Variants in PREX2 observed in about 807,000 individuals in gnomAD.
PREX2 encodes the protein phosphatidylinositol 3,4,5-trisphosphate-dependent Rac exchanger 2 protein.
In PREX2, 107 loss-of-function variants were observed where a neutral mutation model predicts 203.2. The ratio of observed to expected loss-of-function variants is 0.53; its 90% CI spans 0.45 to 0.62. The LOEUF (loss-of-function observed/expected upper bound fraction) is 0.62. Ranked by LOEUF, PREX2 falls within the 20% of genes least tolerant of loss-of-function variation. The pLI is 0.00. For missense variants in PREX2, 1,777 were observed against 1,955.9 expected (o/e 0.91, Z 1.72); for synonymous variants, 672 against 663.6 (o/e 1.01, Z -0.19).
At chr8:68,105,494 C>T in intron 23 of PREX2, 5 of 1,160,422 alleles carry the variant, frequency 4.3e-6, no homozygotes, top group Non-Finnish European at 5.4e-6. Flanking sequence ...GTCCCCCTAG[C>T]AAGAGAATCT....
intron 26 of PREX2, among the ~76,000 whole-genome samples, chr8:68,116,584 G>A (rs927673812): frequency 6.6e-6 from 1 of 152,166 alleles, no homozygotes; most frequent in Admixed American, 6.5e-5. Flanking sequence ...CGTGCCAGGC[G>A]TGGCTCCTTG....
intron 10 of PREX2, among the ~76,000 whole-genome samples, chr8:68,058,141 C>G (rs1808734408): frequency 6.6e-6 from 1 of 152,200 alleles, no homozygotes. Flanking sequence ...TCCTCATTCC[C>G]TGAGTAGGCC....
chr8:68,081,660 A>AT (rs1296300134), intron 17 of PREX2, among the ~76,000 whole-genome samples: 1 of 151,974 alleles, frequency 6.6e-6, no homozygotes, highest in Non-Finnish European at 1.5e-5. Context: ...TGCTTTAACT[A>AT]TTTTCTCATT....
intron 37 of PREX2, among the ~76,000 whole-genome samples, chr8:68,206,094 C>G (rs552313743): frequency 8.5e-5 from 13 of 152,166 alleles, no homozygotes; most frequent in Non-Finnish European, 1.6e-4. Flanking sequence ...CTACGTGATT[C>G]GAATTTGGTA....
intron 31 of PREX2, among the ~76,000 whole-genome samples, chr8:68,132,665 C>T (rs1039391972): frequency 5.3e-5 from 8 of 152,026 alleles, no homozygotes; most frequent in African/African-American, 1.7e-4. Context: ...AACAGGAGCT[C>T]ACCACTGAAT....
chr8:68,034,684 C>T (rs1265723581), intron 6 of PREX2, among the ~76,000 whole-genome samples: 1 of 152,070 alleles, frequency 6.6e-6, no homozygotes, highest in Non-Finnish European at 1.5e-5. Context: ...TACAGTGCTA[C>T]GGGACCATTT....
chr8:67,984,001 T>A (rs1309218728), intron 1 of PREX2, among the ~76,000 whole-genome samples: 1 of 151,870 alleles, frequency 6.6e-6, no homozygotes, highest in Non-Finnish European at 1.5e-5. Context: ...GGTACTGCTC[T>A]GGGAATTTGT....
intron 23 of PREX2, chr8:68,102,921 G>A (rs370637111): frequency 1.9e-6 from 1 of 517,736 alleles, no homozygotes; most frequent in African/African-American, 1.9e-5. Context: ...GCAGGATTTG[G>A]GGACAATTCG....
At chr8:68,138,825 T>A (rs1460513106) in intron 33 of PREX2, among the ~76,000 whole-genome samples, 1 of 152,156 alleles carries the variant, frequency 6.6e-6, no homozygotes, top group African/African-American at 2.4e-5. Flanking sequence ...TCTTCAGTAG[T>A]TTGTTATTAT....
chr8:68,095,565 G>A (rs201919630), intron 21 of PREX2, among the ~76,000 whole-genome samples: 1 of 44,564 alleles, frequency 2.2e-5, no homozygotes, highest in Non-Finnish European at 4.1e-5. Context: ...GTGTATCTAT[G>A]TGTGTGTGTG....
chr8:68,118,497 G>A lies in PREX2; in HGVS notation c.3327-53G>A, dbSNP rs772741109. 15 of 1,147,812 alleles carry A rather than the reference G, an allele frequency of 1.3e-5. No homozygotes were observed. In the South Asian group the frequency reaches 1.9e-4, roughly 15 times the overall value. The allele number at this position is 1,147,812 out of a possible 1,614,324, so 71.1% of individuals were successfully genotyped here. Reference sequence around the variant, plus strand: ...TAAGTTTATGTCATAAGAAATTGCAGGGACACCTGGGCAGATGCACTCTTA... The same window carrying A: ...TAAGTTTATGTCATAAGAAATTGCAAGGACACCTGGGCAGATGCACTCTTA... On this transcript the variant is annotated intron_variant, in intron 26 of 39. Coordinates refer to ENST00000288368, the MANE Select transcript of PREX2 (RefSeq NM_024870.4).
intron 8 of PREX2, 128 bp from the exon 9 acceptor site, chr8:68,052,969 C>T (rs1808565045): frequency 1.3e-6 from 1 of 740,758 alleles, no homozygotes; most frequent in Non-Finnish European, 2.2e-6. Flanking sequence ...TTTCAATATA[C>T]ATATGTAAAG....
chr8:68,184,291 G>A (rs1812146017), intron 35 of PREX2, among the ~76,000 whole-genome samples: 1 of 152,070 alleles, frequency 6.6e-6, no homozygotes. Flanking sequence ...TCCTAATTTA[G>A]GTGCTGTAGT....
intron 19 of PREX2, among the ~76,000 whole-genome samples, chr8:68,088,527 A>G (rs1024655307): frequency 6.6e-6 from 1 of 152,164 alleles, no homozygotes; most frequent in African/African-American, 2.4e-5. Flanking sequence ...AAGTATCTTG[A>G]TGTGATCACC....
chr8:67,970,481 T>C (rs1805896788), intron 1 of PREX2, among the ~76,000 whole-genome samples: 1 of 152,188 alleles, frequency 6.6e-6, no homozygotes, highest in South Asian at 2.1e-4. Flanking sequence ...ATGTCTCTGA[T>C]GGAACTAATT....
chr8:67,952,825 A>G (rs1308207043), intron 1 of PREX2: 4 of 506,268 alleles, frequency 7.9e-6, no homozygotes, highest in Admixed American at 3.4e-5. Flanking sequence ...CGGCTGCCCT[A>G]TCTTCCCTCA....
chr8:68,041,422 G>C (rs1021354721), intron 7 of PREX2, among the ~76,000 whole-genome samples: 6 of 152,088 alleles, frequency 3.9e-5, no homozygotes, highest in African/African-American at 1.4e-4. Context: ...TGTAGTATTA[G>C]AATTCCCTAG....
At chr8:68,124,709 T>C (rs952824462) in intron 30 of PREX2, among the ~76,000 whole-genome samples, 1 of 152,154 alleles carries the variant, frequency 6.6e-6, no homozygotes, top group Non-Finnish European at 1.5e-5. Context: ...ATTTTAAGAA[T>C]CTTACATTTT....
chr8:67,964,547 T>C (rs1805715846), intron 1 of PREX2, among the ~76,000 whole-genome samples: 1 of 152,194 alleles, frequency 6.6e-6, no homozygotes, highest in African/African-American at 2.4e-5. Flanking sequence ...ATATATTCTT[T>C]CCCACATAGC....
Sources: allele counts gnomAD v4.1 joint callset (sites outside exome capture counted in the v4.1 genomes callset), GRCh38; gene constraint gnomAD v4.1.1; transcripts MANE v1.5; gene names NCBI Gene and HGNC (gene_info 2026-07-23, HGNC 2026-07-21).